Variants in CHL1 observed in about 807,000 individuals in gnomAD.
The protein encoded by CHL1 is neural cell adhesion molecule L1-like protein.
In CHL1, 96 loss-of-function variants were observed where a neutral mutation model predicts 141.9. The observed-to-expected ratio is 0.68, with a 90% CI of 0.57 to 0.80. CHL1 has a LOEUF of 0.80. Ranked by LOEUF, CHL1 falls within the 30% of genes least tolerant of loss-of-function variation. CHL1 has a pLI of 0.00. For synonymous variants in CHL1, 613 were observed against 502.2 expected (o/e 1.22, Z -2.95); for missense variants, 1,820 against 1,457.2 (o/e 1.25, Z -4.05).
intron 24 of CHL1, among the ~76,000 whole-genome samples, chr3:395,303 T>C (rs1708580060): frequency 6.6e-6 from 1 of 152,246 alleles, no homozygotes. Flanking sequence ...TCACTCTATA[T>C]ACATTGATTC....
chr3:267,958 T>C (rs940886390), intron 2 of CHL1, among the ~76,000 whole-genome samples: 3 of 152,204 alleles, frequency 2.0e-5, no homozygotes, highest in Non-Finnish European at 4.4e-5. Flanking sequence ...GTGTTGATGA[T>C]CAATTCTAAA....
At chr3:300,081 ATTGT>A (rs1473684037) in intron 2 of CHL1, among the ~76,000 whole-genome samples, 1 of 152,180 alleles carries the variant, frequency 6.6e-6, no homozygotes, top group Non-Finnish European at 1.5e-5. Flanking sequence ...GTTAGAGAAA[ATTGT>A]TTGAAACTTA....
chr3:377,714 C>A, intron 15 of CHL1, 104 bp from the exon 16 acceptor site: 2 of 991,012 alleles, frequency 2.0e-6, no homozygotes, highest in Non-Finnish European at 1.5e-6. Context: ...TCATCTTTCA[C>A]TCTTAGATTG....
intron 1 of CHL1, among the ~76,000 whole-genome samples, chr3:206,735 T>A (rs1699478098): frequency 6.6e-6 from 1 of 152,186 alleles, no homozygotes; most frequent in Non-Finnish European, 1.5e-5. Flanking sequence ...CGTCTAATGG[T>A]CTGACTCTTC....
chr3:382,384 C>A (rs372542717), intron 17 of CHL1, 90 bp from the exon 18 acceptor site: 5 of 1,457,064 alleles, frequency 3.4e-6, no homozygotes, highest in African/African-American at 2.8e-5. Flanking sequence ...TTATAACATC[C>A]TTTTGAACTT....
chr3:389,117 A>G (rs1708018028), intron 19 of CHL1, 135 bp from the exon 20 acceptor site: 6 of 731,194 alleles, frequency 8.2e-6, no homozygotes, highest in South Asian at 3.8e-5. Flanking sequence ...CTCTAAACCA[A>G]GAAGGGGGAT....
At chr3:358,112 G>T (rs937851777) in intron 11 of CHL1, among the ~76,000 whole-genome samples, 1 of 152,154 alleles carries the variant, frequency 6.6e-6, no homozygotes, top group Admixed American at 6.5e-5. Flanking sequence ...TTAAAATAGT[G>T]CATGTACACT....
chr3:368,799 G>A (rs1372900976), intron 15 of CHL1, among the ~76,000 whole-genome samples: 1 of 152,100 alleles, frequency 6.6e-6, no homozygotes, highest in Non-Finnish European at 1.5e-5. Flanking sequence ...TTTACTTTCA[G>A]TTGTTTGCAC....
At chr3:312,472 G>T (rs1445085727) in intron 2 of CHL1, among the ~76,000 whole-genome samples, 1 of 152,174 alleles carries the variant, frequency 6.6e-6, no homozygotes, top group South Asian at 2.1e-4. Flanking sequence ...TATTAGCCAG[G>T]CAGGTGATTG....
intron 1 of CHL1, among the ~76,000 whole-genome samples, chr3:236,101 C>CG: frequency 6.6e-6 from 1 of 152,068 alleles, no homozygotes; most frequent in South Asian, 2.1e-4. Flanking sequence ...GAGATTTGGA[C>CG]CTTGTGTGGC....
At chr3:209,698 A>G (rs79932543) in intron 1 of CHL1, among the ~76,000 whole-genome samples, 195 of 152,256 alleles carry the variant, frequency 1.3e-3, no homozygotes, top group African/African-American at 4.6e-3. Context: ...ACATCTCCTA[A>G]TGTTAGCTCC....
Position 341,958 on chromosome 3 carries a change from G to C in CHL1, c.555G>C (p.Lys185Asn). The C allele has an allele frequency of 2.5e-6, 4 of 1,613,094 alleles. No individual in the cohort carries two copies. The highest frequency in any genetic ancestry group is 3.4e-6 in the Non-Finnish European group (4 of 1,179,354). Residue 185 changes from lysine to asparagine, a missense_variant, in exon 7 of 28, where the codon AAG becomes AAC. Physicochemically the swap from Lys to Asn is moderately conservative, Grantham distance 94 (BLOSUM62 0). Coordinates refer to ENST00000256509, the MANE Select transcript of CHL1 (RefSeq NM_006614.4). Reference sequence around the variant, plus strand: ...ATGAAAGAGTATACATGAGCCAAAAGGGAGATCTATACTTCGCAAACGTGG... The same window carrying C: ...ATGAAAGAGTATACATGAGCCAAAACGGAGATCTATACTTCGCAAACGTGG... ...EQDERVYMSQKGDLYFANVEE... is the reference protein window; with the variant it reads ...EQDERVYMSQNGDLYFANVEE...
At chr3:367,393 C>G (rs1455626118) in intron 15 of CHL1, among the ~76,000 whole-genome samples, 1 of 152,186 alleles carries the variant, frequency 6.6e-6, no homozygotes, top group Admixed American at 6.5e-5. Context: ...GGCTCAGATT[C>G]AAATCTCAGC....
chr3:357,180 G>C (rs567814664), intron 11 of CHL1, among the ~76,000 whole-genome samples: 1 of 152,184 alleles, frequency 6.6e-6, no homozygotes, highest in Non-Finnish European at 1.5e-5. Flanking sequence ...ATCCAAGCTC[G>C]GTGTTCTGTT....
chr3:299,886 C>G (rs140099302), intron 2 of CHL1, among the ~76,000 whole-genome samples: 80 of 152,288 alleles, frequency 5.3e-4, no homozygotes, highest in African/African-American at 1.9e-3. Flanking sequence ...AATATCAAAA[C>G]AAGGTCACTG....
At chr3:336,337 T>C (rs1382103071) in intron 5 of CHL1, among the ~76,000 whole-genome samples, 5 of 152,206 alleles carry the variant, frequency 3.3e-5, no homozygotes, top group Admixed American at 6.6e-5. Flanking sequence ...TTGCATAACA[T>C]GGTAGCGGTT....
At chr3:249,808 T>A (rs1693517627) in intron 2 of CHL1, among the ~76,000 whole-genome samples, 1 of 152,182 alleles carries the variant, frequency 6.6e-6, no homozygotes, top group African/African-American at 2.4e-5. Context: ...AAGCCTTATG[T>A]AATTTTTGTT....
At chr3:262,573 A>G (rs1432755785) in intron 2 of CHL1, among the ~76,000 whole-genome samples, 1 of 151,958 alleles carries the variant, frequency 6.6e-6, no homozygotes, top group African/African-American at 2.4e-5. Context: ...TCTACACAGT[A>G]CTCACAGGGC....
chr3:380,875 C>T (rs1706943991), intron 16 of CHL1, among the ~76,000 whole-genome samples: 1 of 152,118 alleles, frequency 6.6e-6, no homozygotes. Flanking sequence ...AGTTATAAAA[C>T]ATTTATGTGT....
Sources: gnomAD v4.1 joint callset for allele counts (sites outside exome capture counted in the v4.1 genomes callset) on GRCh38, gnomAD v4.1.1 for gene constraint, MANE v1.5 for transcripts, NCBI Gene and HGNC (gene_info 2026-07-23, HGNC 2026-07-21) for gene names.